TMEM123: variants seen among roughly 807,000 people sequenced by gnomAD.
TMEM123 encodes the protein transmembrane protein 123, also known as porimin.
In TMEM123, 16 loss-of-function variants were observed where a neutral mutation model predicts 19.7. The ratio of observed to expected loss-of-function variants is 0.81; its 90% CI spans 0.55 to 1.23. TMEM123 has a LOEUF of 1.23. Among genes scored for constraint, TMEM123 ranks in the 50% most tolerant of loss-of-function variants. The probability of loss-of-function intolerance (pLI) is 0.00; values close to 1 mark genes in which losing one functional copy is unlikely to be tolerated. For missense variants in TMEM123, 313 were observed against 257.8 expected, an observed-to-expected ratio of 1.21 and a Z score of -1.47; for synonymous variants, 118 against 99.4, an observed-to-expected ratio of 1.19 and a Z score of -1.12.
chr11:102,440,872 A>G (rs1258536464), intron 2 of TMEM123, among the ~76,000 whole-genome samples: 1 of 151,926 alleles, frequency 6.6e-6, no homozygotes, highest in Non-Finnish European at 1.5e-5. Context: ...ATGGAAAACA[A>G]AAAAAAGCAG....
At chr11:102,438,281 A>T (rs974125145) in intron 2 of TMEM123, among the ~76,000 whole-genome samples, 1 of 152,058 alleles carries the variant, frequency 6.6e-6, no homozygotes, top group Non-Finnish European at 1.5e-5. Context: ...CGCATTCCTG[A>T]CCTCAAGTGA....
intron 2 of TMEM123, among the ~76,000 whole-genome samples, chr11:102,423,073 G>T (rs1313104234): frequency 6.6e-6 from 1 of 152,158 alleles, no homozygotes; most frequent in East Asian, 1.9e-4. Flanking sequence ...CTAAAGGTGT[G>T]TATTTATGTT....
At chr11:102,427,379 C>T (rs1045501788) in intron 2 of TMEM123, among the ~76,000 whole-genome samples, 1 of 148,068 alleles carries the variant, frequency 6.8e-6, no homozygotes, top group African/African-American at 2.5e-5. Context: ...CTATGAGGAA[C>T]AAGGGGAGAA....
At chr11:102,408,914 T>C (rs1281212821) in intron 2 of TMEM123, among the ~76,000 whole-genome samples, 1 of 152,216 alleles carries the variant, frequency 6.6e-6, no homozygotes, top group Non-Finnish European at 1.5e-5. Flanking sequence ...CAGTCCATTT[T>C]TCTAGTTTCA....
chr11:102,399,157 C>A (rs891161439), intron 4 of TMEM123, among the ~76,000 whole-genome samples: 1 of 152,164 alleles, frequency 6.6e-6, no homozygotes, highest in East Asian at 1.9e-4. Flanking sequence ...TTAAATATTT[C>A]TTTCTAGCTG....
chr11:102,434,910 G>A (rs1407999342), intron 2 of TMEM123, among the ~76,000 whole-genome samples: 4 of 151,752 alleles, frequency 2.6e-5, no homozygotes, highest in Non-Finnish European at 5.9e-5. Flanking sequence ...ATGTGTGATG[G>A]GAACTCTTAA....
chr11:102,434,606 T>C (rs1242999051), intron 2 of TMEM123, among the ~76,000 whole-genome samples: 1 of 151,962 alleles, frequency 6.6e-6, no homozygotes, highest in African/African-American at 2.4e-5. Flanking sequence ...TCTTGTCTAT[T>C]TTTGTTTTTG....
At position 102,398,030 on chromosome 11, in the gene TMEM123, G is replaced by C. The variant is rs1364988722; in HGVS notation, c.*837C>G. The C allele has an allele frequency of 6.6e-6, 1 of 152,152 alleles. No individual in the cohort carries two copies. Among genetic ancestry groups the C allele is most frequent in the Non-Finnish European group, 1.5e-5 (1 of 68,026 alleles). 9.4% of individuals were successfully genotyped at this position (152,152 alleles called of 1,614,324 possible). A position where few individuals can be genotyped will look rare whatever the true frequency, so the allele number is the denominator to read the frequency against. ...AAATGAACTAAAGTAACTTCCAGTG[G>C]TGACAATATTCTCACAGTAGCAAAT... On this transcript the variant is annotated 3_prime_UTR_variant, in exon 5 of 5. Coordinates refer to ENST00000398136, the MANE Select transcript of TMEM123 (RefSeq NM_052932.3).
At chr11:102,434,581 T>C (rs1040473781) in intron 2 of TMEM123, among the ~76,000 whole-genome samples, 4 of 151,938 alleles carry the variant, frequency 2.6e-5, no homozygotes, top group African/African-American at 9.7e-5. Flanking sequence ...GCAGAAGCTT[T>C]TCAGTTTGAT....
chr11:102,434,476 T>C (rs1208277943), intron 2 of TMEM123, among the ~76,000 whole-genome samples: 1 of 151,978 alleles, frequency 6.6e-6, no homozygotes. Context: ...GAGTTCTTAA[T>C]ATATTTTAAT....
chr11:102,408,935 C>T (rs1160450689), intron 2 of TMEM123, among the ~76,000 whole-genome samples: 2 of 152,200 alleles, frequency 1.3e-5, no homozygotes, highest in Admixed American at 1.3e-4. Context: ...AGTAAAAGTA[C>T]TCCTCAAAGT....
intron 2 of TMEM123, among the ~76,000 whole-genome samples, chr11:102,408,007 T>C (rs1565348118): frequency 6.6e-6 from 1 of 152,212 alleles, no homozygotes; most frequent in Non-Finnish European, 1.5e-5. Flanking sequence ...TGCAGATCTT[T>C]GAAACTAGTC....
chr11:102,397,062 T>C lies in TMEM123; in HGVS notation c.*1805A>G, dbSNP rs907126746. The C allele has an allele frequency of 2.4e-4, 36 of 152,170 alleles. No individual in the cohort carries two copies. The highest frequency in any genetic ancestry group is 8.4e-4 in the African/African-American group (35 of 41,434). 9.4% of individuals were successfully genotyped at this position (152,170 alleles called of 1,614,324 possible). On this transcript the variant is annotated 3_prime_UTR_variant, in exon 5 of 5. Coordinates refer to ENST00000398136, the MANE Select transcript of TMEM123 (RefSeq NM_052932.3). Reference sequence around the variant, plus strand: ...ACCAGTCAGGGCCAAGTTAGTAACATACAACTCAGCCATCAGCCCACCTCT... The same window carrying C: ...ACCAGTCAGGGCCAAGTTAGTAACACACAACTCAGCCATCAGCCCACCTCT...
chr11:102,417,588 AT>A (rs1212077633), intron 2 of TMEM123, among the ~76,000 whole-genome samples: 1 of 152,178 alleles, frequency 6.6e-6, no homozygotes, highest in Non-Finnish European at 1.5e-5. Flanking sequence ...GCCCAAAGCA[AT>A]TTACAGATTC....
chr11:102,424,524 T>TA (rs1169442390), intron 2 of TMEM123, among the ~76,000 whole-genome samples: 24 of 151,972 alleles, frequency 1.6e-4, no homozygotes, highest in Non-Finnish European at 1.8e-4. Context: ...CCACATCTAC[T>TA]AAAAAATACA....
chr11:102,429,771 A>G (rs975578932), intron 2 of TMEM123, among the ~76,000 whole-genome samples: 2 of 152,214 alleles, frequency 1.3e-5, no homozygotes, highest in African/African-American at 4.8e-5. Flanking sequence ...AATCAAATCC[A>G]AACTCCCTGA....
intron 2 of TMEM123, among the ~76,000 whole-genome samples, chr11:102,414,103 G>T (rs549676692): frequency 1.3e-5 from 2 of 152,276 alleles, no homozygotes; most frequent in South Asian, 4.1e-4. Flanking sequence ...AAGAGACTCA[G>T]AGCTCAAAGA....
rs776629530 is a variant in TMEM123, at chr11:102,401,961, C to T, written c.403G>A (p.Val135Ile). The change falls in exon 3 of 5, where the codon GTA (valine) becomes ATA (isoleucine). Residue 135 changes from valine to isoleucine, a missense_variant. Transcript: ENST00000398136. Reference sequence around the variant, plus strand: ...GATGTCACTGAACTATTGTGGGTTACGGTCATTGTGGATGTTGATATCTGA... The same window carrying T: ...GATGTCACTGAACTATTGTGGGTTATGGTCATTGTGGATGTTGATATCTGA... Reference protein sequence around the residue: ...TSQISTSTMTVTHNSSVTSAA... With the variant: ...TSQISTSTMTITHNSSVTSAA... The T allele has an allele frequency of 8.1e-6, 13 of 1,614,122 alleles. No homozygotes were observed. Among genetic ancestry groups the T allele is most frequent in the East Asian group, 4.5e-5 (2 of 44,878 alleles).
At chr11:102,441,166 C>A (rs1211882602) in intron 2 of TMEM123, among the ~76,000 whole-genome samples, 3 of 152,092 alleles carry the variant, frequency 2.0e-5, no homozygotes, top group Admixed American at 2.0e-4. Context: ...ATATCCGGGA[C>A]TTGAACTCAG....
Sources: allele counts gnomAD v4.1 joint callset (sites outside exome capture counted in the v4.1 genomes callset), GRCh38; gene constraint gnomAD v4.1.1; transcripts MANE v1.5; gene names NCBI Gene and HGNC (gene_info 2026-07-23, HGNC 2026-07-21).